Variants in CFAP20DC observed in about 807,000 individuals in gnomAD.
The protein encoded by CFAP20DC is protein CFAP20DC.
A neutral mutation model predicts 101.7 loss-of-function variants in CFAP20DC; 84 were observed. The ratio of observed to expected loss-of-function variants is 0.83; its 90% CI spans 0.69 to 0.99. The LOEUF is 0.99. Among genes scored for constraint, CFAP20DC ranks in the 50% least tolerant of loss-of-function variants. The pLI, the probability that CFAP20DC is intolerant of heterozygous loss-of-function variation, is 0.00. For missense variants in CFAP20DC, 1,007 were observed against 970.3 expected (o/e 1.04, Z -0.50); for synonymous variants, 359 against 351.2 (o/e 1.02, Z -0.25).
intron 14 of CFAP20DC, among the ~76,000 whole-genome samples, chr3:58,811,738 C>G (rs917339025): frequency 3.3e-5 from 5 of 151,824 alleles, no homozygotes; most frequent in African/African-American, 9.7e-5. Context: ...TTCTGCATAG[C>G]AAAAGAAACT....
intron 15 of CFAP20DC, among the ~76,000 whole-genome samples, chr3:58,783,781 A>C (rs562301617): frequency 6.6e-6 from 1 of 152,264 alleles, no homozygotes; most frequent in South Asian, 2.1e-4. Flanking sequence ...TATTACTAAA[A>C]AAACAAAACA....
intron 15 of CFAP20DC, among the ~76,000 whole-genome samples, chr3:58,784,110 T>C (rs1265522828): frequency 6.6e-6 from 1 of 151,914 alleles, no homozygotes; most frequent in African/African-American, 2.4e-5. Flanking sequence ...AGCAGTGTGA[T>C]CTTGTTGCCA....
chr3:58,849,066 G>T lies in CFAP20DC; in HGVS notation c.1937C>A (p.Ser646Ter). 6.5e-7 allele frequency: 1 copy of T among 1,535,980 alleles called. No individual in the cohort carries two copies. Among genetic ancestry groups the T allele is most frequent in the Non-Finnish European group, 8.7e-7 (1 of 1,146,862 alleles). The change falls in exon 13 of 17, where the codon TCA becomes TAA. Residue 646 changes from serine to a stop codon, truncating the protein, a stop_gained. Coordinates refer to ENST00000482387, the MANE Select transcript of CFAP20DC (RefSeq NM_001394063.1). LOFTEE classifies it high-confidence loss of function. ...GGGGATCGAGCTCAGCCTTTCCCCT[G>T]AGATTTCTTTCAGGGAGGTTTTGTT... is the stretch of plus-strand genomic sequence containing the variant. ...SLNKTSLKEI[S>*]GERLSSIPEA...
intron 4 of CFAP20DC, among the ~76,000 whole-genome samples, chr3:58,987,886 C>A (rs2092803990): frequency 6.6e-6 from 1 of 151,932 alleles, no homozygotes; most frequent in South Asian, 2.1e-4. Flanking sequence ...AAGACAAGTT[C>A]TACCAAACCT....
intron 14 of CFAP20DC, among the ~76,000 whole-genome samples, chr3:58,819,255 T>C (rs146941893): frequency 0.019 from 2,865 of 151,538 alleles, no homozygotes; most frequent in African/African-American, 0.065. Context: ...AGCAAACACA[T>C]TCAAAAGCTA....
chr3:58,862,533 T>C, intron 12 of CFAP20DC: 7 of 985,438 alleles, frequency 7.1e-6, no homozygotes, highest in Non-Finnish European at 8.4e-6. Flanking sequence ...CTACGCGCTT[T>C]GCTGAAGAAA....
chr3:58,849,378 G>A lies in CFAP20DC; in HGVS notation c.1625C>T (p.Pro542Leu), dbSNP rs1377435714. The change falls in exon 13 of 17, where the codon CCA (proline) becomes CTA (leucine). Residue 542 changes from proline (P) to leucine (L), a missense_variant. Physicochemically the swap from Pro to Leu is moderately conservative, Grantham distance 98. Transcript: ENST00000482387. ...AGTTAACTCTGAAGGACCAGTTGTT[G>A]GGCCTCGAGAACCCTGGATACTGTG... ...GNHSIQGSRG[P>L]TTGPSELTQL... 6.5e-7 allele frequency: 1 copy of A among 1,535,194 alleles called. No individual in the cohort carries two copies.
intron 15 of CFAP20DC, among the ~76,000 whole-genome samples, chr3:58,784,006 C>G (rs1450606078): frequency 6.6e-6 from 1 of 151,836 alleles, no homozygotes; most frequent in African/African-American, 2.4e-5. Context: ...CTCCTTCCCT[C>G]CCTTCCACCA....
At chr3:58,805,554 C>A (rs1360790528) in intron 15 of CFAP20DC, among the ~76,000 whole-genome samples, 1 of 152,196 alleles carries the variant, frequency 6.6e-6, no homozygotes, top group East Asian at 1.9e-4. Context: ...AGTTAACACA[C>A]CCTCCATAGG....
At chr3:58,886,670 C>T (rs925078039) in intron 6 of CFAP20DC, among the ~76,000 whole-genome samples, 7 of 150,548 alleles carry the variant, frequency 4.6e-5, no homozygotes, top group South Asian at 4.2e-4. Context: ...TATGACTGCA[C>T]GACTGCACTT....
rs1311405985 is a variant in CFAP20DC, at chr3:59,006,618, TA to T, written c.278+32938del. On this transcript the variant is annotated intron_variant, in intron 4 of 16. Transcript: ENST00000482387. The surrounding 1 kb of genome is among the most constrained non-coding windows in gnomAD (Gnocchi z 4.3). ...CAGATTTGGGGAGCTGAATGAAATA[TA>T]AAAGTAGAAGCAGTGGCAGGAAGAG... 6.6e-6 allele frequency among the ~76,000 whole-genome samples: 1 copy of T among 152,120 alleles called. No homozygotes were observed. The highest frequency in any genetic ancestry group is 1.5e-5 in the Non-Finnish European group (1 of 68,020).
intron 6 of CFAP20DC, among the ~76,000 whole-genome samples, chr3:58,902,774 T>C (rs1484157235): frequency 3.3e-5 from 5 of 152,200 alleles, no homozygotes; most frequent in Non-Finnish European, 7.4e-5. Context: ...ATATAACCTA[T>C]GCACATCTTC....
intron 12 of CFAP20DC, among the ~76,000 whole-genome samples, chr3:58,852,606 TA>T (rs1374265416): frequency 1.3e-5 from 2 of 151,030 alleles, no homozygotes; most frequent in African/African-American, 4.9e-5. Flanking sequence ...TCAGCAAATG[TA>T]AAAGAACAGA....
Position 58,950,350 on chromosome 3 carries a change from T to G in CFAP20DC, c.279-12588A>C, listed in dbSNP as rs368914256. Among the ~76,000 whole-genome samples the G allele has an allele frequency of 8.8e-4, 134 of 152,264 alleles. 1 individual carries two copies. The highest frequency in any genetic ancestry group is 7.7e-3 in the East Asian group (40 of 5,184). On this transcript the variant is annotated intron_variant, in intron 4 of 16. Coordinates refer to ENST00000482387, the MANE Select transcript of CFAP20DC (RefSeq NM_001394063.1). ...GCCATACTGCCCAAGGTAATTTATA[T>G]ATTCAATGCCAACCCCATCAAGCTA...
rs140054443 is a variant in CFAP20DC at position 58,851,377 on chromosome 3, G to A, written c.1594-1968C>T. Reference sequence around the variant, plus strand: ...CAATGGCAGTGATGATATAGAAGCTGGACTGGTTTGAGAGTTCAAGTCAGT... The same window carrying A: ...CAATGGCAGTGATGATATAGAAGCTAGACTGGTTTGAGAGTTCAAGTCAGT... On this transcript the variant is annotated intron_variant, in intron 12 of 16. Coordinates refer to ENST00000482387, the MANE Select transcript of CFAP20DC (RefSeq NM_001394063.1). 1.2e-3 allele frequency among the ~76,000 whole-genome samples: 183 copies of A among 152,176 alleles called. 2 individuals are homozygous for A. The highest frequency in any genetic ancestry group is 7.9e-3 in the Admixed American group (121 of 15,290).
chr3:58,779,073 T>A (rs1397593572), intron 15 of CFAP20DC, among the ~76,000 whole-genome samples: 1 of 152,000 alleles, frequency 6.6e-6, no homozygotes, highest in Non-Finnish European at 1.5e-5. Flanking sequence ...TAAAGAAATA[T>A]GACAACTCCA....
chr3:59,035,840 A>G lies in CFAP20DC; in HGVS notation c.278+3717T>C, dbSNP rs536773955. ...AAAAAGAGGGACTCCTCCCTAACTC[A>G]TTTTATGAGGCCAGCATCATCCTGA... On this transcript the variant is annotated intron_variant, in intron 4 of 16. Coordinates refer to ENST00000482387, the MANE Select transcript of CFAP20DC (RefSeq NM_001394063.1). Among the ~76,000 whole-genome samples, 28 of 152,296 alleles carry G rather than the reference A, an allele frequency of 1.8e-4. 1 individual carries two copies. In the South Asian group the frequency reaches 5.0e-3, roughly 27 times the overall value.
intron 4 of CFAP20DC, among the ~76,000 whole-genome samples, chr3:59,024,502 T>C (rs199680446): frequency 6.6e-6 from 1 of 152,160 alleles, no homozygotes; most frequent in African/African-American, 2.4e-5. Flanking sequence ...TTAACAGACA[T>C]GTGTAAGTGC....
chr3:58,878,730 T>C (rs566534017), intron 7 of CFAP20DC, among the ~76,000 whole-genome samples: 1 of 152,112 alleles, frequency 6.6e-6, no homozygotes, highest in East Asian at 1.9e-4. Flanking sequence ...TGCACCTCTG[T>C]GCTGGGCGGG....
Sources: allele counts gnomAD v4.1 joint callset (sites outside exome capture counted in the v4.1 genomes callset), GRCh38; gene constraint gnomAD v4.1.1; non-coding constraint Gnocchi (gnomAD v3.1); transcripts MANE v1.5; gene names NCBI Gene and HGNC (gene_info 2026-07-23, HGNC 2026-07-21).